The following MIA2 variants were observed in gnomAD, a reference collection of about 807,000 sequenced individuals.
The protein encoded by MIA2 is melanoma inhibitory activity protein 2.
Under a neutral mutation model 167.8 loss-of-function variants are expected in MIA2, and 127 were observed. That is an observed-to-expected ratio of 0.76 (90% confidence interval 0.66 to 0.88). The LOEUF (loss-of-function observed/expected upper bound fraction) is 0.88, where lower values mean the gene tolerates loss of function less well. Among genes scored for constraint, MIA2 ranks in the 40% least tolerant of loss-of-function variants. The pLI is 0.00. For missense variants in MIA2, 1,690 were observed against 1,624.7 expected (o/e 1.04, Z -0.69); for synonymous variants, 552 against 541.9 (o/e 1.02, Z -0.26).
At chr14:39,300,953 C>CATAT (rs372087077) in intron 14 of MIA2, among the ~76,000 whole-genome samples, 2 of 9,986 alleles carry the variant, frequency 2.0e-4, no homozygotes, top group Non-Finnish European at 5.7e-4. Flanking sequence ...CATATATACA[C>CATAT]ATACATATAC....
intron 25 of MIA2, among the ~76,000 whole-genome samples, chr14:39,342,449 G>A (rs1001513246): frequency 2.0e-5 from 3 of 152,062 alleles, no homozygotes; most frequent in African/African-American, 7.2e-5. Context: ...CTTTGCTATT[G>A]TGAATAGTGC....
At chr14:39,242,995 C>T (rs1170705663) in intron 3 of MIA2, among the ~76,000 whole-genome samples, 4 of 151,514 alleles carry the variant, frequency 2.6e-5, no homozygotes, top group East Asian at 2.0e-4. Context: ...TGGTGGTGCA[C>T]GCCTGTAATC....
intron 9 of MIA2, among the ~76,000 whole-genome samples, chr14:39,288,316 T>C (rs1458720671): frequency 2.0e-5 from 3 of 150,870 alleles, no homozygotes; most frequent in Non-Finnish European, 4.4e-5. Context: ...AAAAAATGGA[T>C]GTTCAACTTT....
chr14:39,322,604 A>G (rs1210788665), intron 24 of MIA2, among the ~76,000 whole-genome samples: 1 of 138,600 alleles, frequency 7.2e-6, no homozygotes, highest in East Asian at 2.1e-4. Context: ...TTACCCCCTT[A>G]TAGGTACCTC....
At chr14:39,288,449 ATATATATATATATATATATATATATAT>A in intron 9 of MIA2, among the ~76,000 whole-genome samples, 1 of 4,376 alleles carries the variant, frequency 2.3e-4, no homozygotes, top group Admixed American at 1.6e-3. Context: ...ATATATATAT[ATATATATATATATATATATATATATAT>A]TTTTTTTTTT....
chr14:39,296,101 G>T (rs903924293), intron 13 of MIA2, among the ~76,000 whole-genome samples: 9 of 151,560 alleles, frequency 5.9e-5, no homozygotes, highest in Non-Finnish European at 1.2e-4. Flanking sequence ...GTTCTGTTCT[G>T]TGTCCTAAGA....
At chr14:39,284,179 AGTTTCAGGTT>A (rs1385621503) in intron 9 of MIA2, among the ~76,000 whole-genome samples, 1 of 152,006 alleles carries the variant, frequency 6.6e-6, no homozygotes, top group Non-Finnish European at 1.5e-5. Context: ...GGAGTTTTGT[AGTTTCAGGTT>A]TTATGTTTAG....
At chr14:39,288,453 A>ATT (rs1566747188) in intron 9 of MIA2, among the ~76,000 whole-genome samples, 222 of 13,798 alleles carry the variant, frequency 0.016, 46 homozygotes, top group Non-Finnish European at 0.03. Flanking sequence ...ATATATATAT[A>ATT]TATATATATA....
Position 39,246,943 on chromosome 14 carries a change from T to A in MIA2, c.369T>A (p.Ser123Arg), listed in dbSNP as rs763750427. 3 of 1,524,582 alleles carry A rather than the reference T, an allele frequency of 2.0e-6. No individual in the cohort carries two copies. Among genetic ancestry groups the A allele is most frequent in the Non-Finnish European group, 2.6e-6 (3 of 1,141,850 alleles). The allele number at this position is 1,524,582 out of a possible 1,614,324, so 94.4% of individuals were successfully genotyped here. A position where few individuals can be genotyped will look rare whatever the true frequency, so the allele number is the denominator to read the frequency against. Reference protein sequence around the residue: ...ESDFLCLLGVSYTFDNEDSEL... With the variant: ...ESDFLCLLGVRYTFDNEDSEL... ...ACTTTCTTTGTCTTCTTGGAGTAAG[T>A]TACACATTTGACAATGAAGATAGTG... is the stretch of plus-strand genomic sequence containing the variant. Residue 123 changes from serine to arginine, a missense_variant, in exon 4 of 29, where the codon AGT (serine) becomes AGA (arginine). Physicochemically the swap from Ser to Arg is moderately radical, Grantham distance 110. Transcript: ENST00000640607.
At chr14:39,266,521 G>A in intron 6 of MIA2, 1 of 985,508 alleles carries the variant, frequency 1.0e-6, no homozygotes, top group Non-Finnish European at 1.2e-6. Context: ...GTGCCCAGGT[G>A]ACTCAGGTAA....
intron 13 of MIA2, among the ~76,000 whole-genome samples, chr14:39,298,285 C>G (rs1186083476): frequency 6.6e-6 from 1 of 151,516 alleles, no homozygotes; most frequent in Admixed American, 6.6e-5. Context: ...CACTCCTTCT[C>G]TAATGTTTTA....
chr14:39,266,985 A>T, intron 6 of MIA2: 3 of 780,566 alleles, frequency 3.8e-6, no homozygotes, highest in Non-Finnish European at 4.7e-6. Flanking sequence ...ATGAGGCCGA[A>T]TCTCATCCTC....
At chr14:39,315,832 C>T (rs987498265) in intron 21 of MIA2, 114 bp downstream of exon 21, 6 of 710,082 alleles carry the variant, frequency 8.4e-6, no homozygotes, top group Non-Finnish European at 1.3e-5. Flanking sequence ...AAATCAGTTT[C>T]TTTTAATTTT....
intron 9 of MIA2, among the ~76,000 whole-genome samples, chr14:39,282,891 G>A (rs1266876646): frequency 1.3e-5 from 2 of 152,092 alleles, no homozygotes; most frequent in Non-Finnish European, 2.9e-5. Flanking sequence ...TGACCTACAT[G>A]TTTCTTCCCT....
chr14:39,362,149 G>C (rs1041706191), intron 23 of MIA2, among the ~76,000 whole-genome samples: 6 of 151,952 alleles, frequency 3.9e-5, no homozygotes, highest in Non-Finnish European at 7.4e-5. Context: ...CTATAGTTTT[G>C]TTTTTTTGTT....
At chr14:39,248,487 C>T (rs2054407976) in intron 4 of MIA2, among the ~76,000 whole-genome samples, 1 of 151,642 alleles carries the variant, frequency 6.6e-6, no homozygotes, top group African/African-American at 2.4e-5. Flanking sequence ...CTCCATCTAC[C>T]TCCACTCCCA....
chr14:39,367,398 C>T (rs2074845224), intron 23 of MIA2, among the ~76,000 whole-genome samples: 1 of 152,208 alleles, frequency 6.6e-6, no homozygotes, highest in Non-Finnish European at 1.5e-5. Context: ...TGCTGTGCTG[C>T]ACAGCTTGGA....
chr14:39,266,507 A>G, intron 6 of MIA2: 1 of 985,526 alleles, frequency 1.0e-6, no homozygotes, highest in Non-Finnish European at 1.2e-6. Context: ...GCTGGGCCTA[A>G]CAAGTGCCCA....
chr14:39,360,477 TTTG>T (rs749913391), intron 23 of MIA2, among the ~76,000 whole-genome samples: 31 of 145,860 alleles, frequency 2.1e-4, no homozygotes, highest in East Asian at 1.9e-3. Context: ...TTTGTTTGTT[TTTG>T]TTGTTGTTGT....
Sources: gnomAD v4.1 joint callset for allele counts (sites outside exome capture counted in the v4.1 genomes callset) on GRCh38, gnomAD v4.1.1 for gene constraint, MANE v1.5 for transcripts, NCBI Gene and HGNC (gene_info 2026-07-23, HGNC 2026-07-21) for gene names.